Variants in ANAPC10 observed in about 807,000 individuals in gnomAD.
ANAPC10 encodes anaphase promoting complex subunit 10.
In ANAPC10, 12 loss-of-function variants were observed where a neutral mutation model predicts 22.0. That is an observed-to-expected ratio of 0.55 (90% CI 0.35 to 0.88). The LOEUF is 0.88. ANAPC10 is among the 40% of genes least tolerant of loss of function. The pLI is 0.01. For missense variants in ANAPC10, 188 were observed against 220.9 expected, an observed-to-expected ratio of 0.85 and a Z score of 0.94; for synonymous variants, 65 against 69.5, an observed-to-expected ratio of 0.94 and a Z score of 0.32.
chr4:145,041,460 C>T (rs973409842), intron 4 of ANAPC10, among the ~76,000 whole-genome samples: 1 of 152,196 alleles, frequency 6.6e-6, no homozygotes, highest in Non-Finnish European at 1.5e-5. Flanking sequence ...TTCACAAGTA[C>T]CAACGAACAG....
At chr4:145,026,042 C>CT (rs1461524132) in intron 4 of ANAPC10, among the ~76,000 whole-genome samples, 1 of 152,168 alleles carries the variant, frequency 6.6e-6, no homozygotes, top group Admixed American at 6.6e-5. Flanking sequence ...GGACATTTAA[C>CT]AGTAAAATCT....
At chr4:145,087,428 C>T (rs1373463408) in intron 2 of ANAPC10, among the ~76,000 whole-genome samples, 1 of 152,040 alleles carries the variant, frequency 6.6e-6, no homozygotes, top group South Asian at 2.1e-4. Context: ...ACGATCACAG[C>T]TCACTGCAGC....
At chr4:145,060,706 TA>T in intron 4 of ANAPC10, among the ~76,000 whole-genome samples, 1 of 152,198 alleles carries the variant, frequency 6.6e-6, no homozygotes, top group East Asian at 1.9e-4. Flanking sequence ...GTACTATAAC[TA>T]ATGAAATGAT....
intron 4 of ANAPC10, among the ~76,000 whole-genome samples, chr4:145,060,734 T>C (rs2126434890): frequency 1.3e-5 from 2 of 152,180 alleles, no homozygotes; most frequent in South Asian, 2.1e-4. Context: ...GAAAACCTCA[T>C]AAAAATTCAC....
intron 1 of ANAPC10, chr4:145,097,151 G>C (rs1205277115): frequency 4.4e-6 from 1 of 227,092 alleles, no homozygotes; most frequent in African/African-American, 2.4e-5. Context: ...GCAGTGAGCC[G>C]AGATCGTGCT....
chr4:145,044,274 A>G (rs1233204230), intron 4 of ANAPC10, among the ~76,000 whole-genome samples: 1 of 152,180 alleles, frequency 6.6e-6, no homozygotes, highest in Non-Finnish European at 1.5e-5. Flanking sequence ...AAAAGAGCTC[A>G]ATGCAACAAT....
intron 4 of ANAPC10, among the ~76,000 whole-genome samples, chr4:145,051,894 T>A (rs187789601): frequency 1.3e-5 from 2 of 152,288 alleles, no homozygotes; most frequent in East Asian, 3.9e-4. Flanking sequence ...AATCGCAGAG[T>A]ACCTTTTAGT....
chr4:145,034,541 ATATGTGTG>A lies in ANAPC10; in HGVS notation c.327+30023_327+30030del, dbSNP rs1434106770. On this transcript the variant is annotated intron_variant, in intron 4 of 4. Coordinates refer to ENST00000507656, the MANE Select transcript of ANAPC10 (RefSeq NM_001256706.2). ...CTCTCCTTTATATATATATATATAT[ATATGTGTG>A]TGTGTGTGTGTGTGTGTGTGTGTGT... Among the ~76,000 whole-genome samples the A allele has an allele frequency of 3.9e-3, 547 of 140,454 alleles. 10 individuals are homozygous for A. Among genetic ancestry groups the A allele is most frequent in the African/African-American group, 0.014 (500 of 36,188 alleles). 92.1% of individuals were successfully genotyped at this position (140,454 alleles called of 152,430 possible).
chr4:144,996,369 C>T (rs1731612227), intron 4 of ANAPC10, among the ~76,000 whole-genome samples: 2 of 152,160 alleles, frequency 1.3e-5, no homozygotes, highest in Admixed American at 1.3e-4. Context: ...AGCTGGGCGC[C>T]ACTTGGAGAA....
intron 4 of ANAPC10, among the ~76,000 whole-genome samples, chr4:145,019,192 G>A (rs966665332): frequency 9.9e-5 from 15 of 152,108 alleles, no homozygotes; most frequent in African/African-American, 3.6e-4. Context: ...TGGACCACAT[G>A]ATAGGCCACA....
intron 3 of ANAPC10, among the ~76,000 whole-genome samples, chr4:145,072,417 A>G (rs187107422): frequency 1.3e-3 from 192 of 152,338 alleles, no homozygotes; most frequent in African/African-American, 4.4e-3. Context: ...CTTATTTTCT[A>G]TGTGAAGAAA....
At chr4:145,022,710 C>T (rs1736127284) in intron 4 of ANAPC10, among the ~76,000 whole-genome samples, 1 of 149,058 alleles carries the variant, frequency 6.7e-6, no homozygotes, top group Non-Finnish European at 1.5e-5. Flanking sequence ...TTTCTGTGAG[C>T]ATGTATTTTC....
intron 4 of ANAPC10, among the ~76,000 whole-genome samples, chr4:145,047,577 T>C (rs1740504090): frequency 6.6e-6 from 1 of 152,090 alleles, no homozygotes; most frequent in Non-Finnish European, 1.5e-5. Context: ...AAATCTTCAT[T>C]CAAAATAAGT....
chr4:145,094,732 AAATGCCATG>A (rs898332298), intron 2 of ANAPC10, among the ~76,000 whole-genome samples: 1 of 152,184 alleles, frequency 6.6e-6, no homozygotes, highest in Non-Finnish European at 1.5e-5. Context: ...GATATCTGGC[AAATGCCATG>A]AACTCAAGAA....
chr4:144,995,870 C>T (rs1463521425), intron 4 of ANAPC10, among the ~76,000 whole-genome samples: 1 of 152,162 alleles, frequency 6.6e-6, no homozygotes, highest in African/African-American at 2.4e-5. Flanking sequence ...ACAACTTGTA[C>T]TCTCTGCCAG....
At chr4:145,053,826 T>C (rs974049525) in intron 4 of ANAPC10, 24 of 593,170 alleles carry the variant, frequency 4.0e-5, no homozygotes, top group Non-Finnish European at 6.3e-5. Context: ...TCTATTAAGA[T>C]ATACTTTTAA....
intron 4 of ANAPC10, among the ~76,000 whole-genome samples, chr4:145,046,878 A>C (rs1740383981): frequency 1.3e-5 from 2 of 152,114 alleles, no homozygotes; most frequent in Admixed American, 1.3e-4. Context: ...AGCATGTCTT[A>C]ATATACATAA....
intron 4 of ANAPC10, among the ~76,000 whole-genome samples, chr4:145,021,412 CAT>C (rs1188871111): frequency 6.6e-6 from 1 of 152,036 alleles, no homozygotes; most frequent in African/African-American, 2.4e-5. Flanking sequence ...TACACAAAAA[CAT>C]AAAGTGGGGA....
intron 4 of ANAPC10, among the ~76,000 whole-genome samples, chr4:145,005,192 A>G (rs1733152159): frequency 6.6e-6 from 1 of 152,106 alleles, no homozygotes; most frequent in Non-Finnish European, 1.5e-5. Flanking sequence ...CTGGGATTAC[A>G]GGCGTGAACC....
Sources: gnomAD v4.1 joint callset for allele counts (sites outside exome capture counted in the v4.1 genomes callset) on GRCh38, gnomAD v4.1.1 for gene constraint, MANE v1.5 for transcripts, NCBI Gene and HGNC (gene_info 2026-07-23, HGNC 2026-07-21) for gene names.